Variants in MYH3 observed in about 807,000 individuals in gnomAD.
MYH3 encodes myosin-3.
A neutral mutation model predicts 238.0 loss-of-function variants in MYH3; 130 were observed. The observed-to-expected ratio is 0.55, with a 90% confidence interval of 0.47 to 0.63. The LOEUF is 0.63. MYH3 is among the 30% of genes least tolerant of loss of function. MYH3 has a pLI of 0.00. For synonymous variants in MYH3, 880 were observed against 924.1 expected (o/e 0.95, Z 0.86); for missense variants, 1,853 against 2,374.9 (o/e 0.78, Z 4.57).
rs2074144355 is a variant in MYH3, at chr17:10,630,440, C to T, written c.5305G>A (p.Glu1769Lys). ...AITDAAMMAE[E>K]LKKEQDTSAH... is the part of the protein sequence containing the mutation. ...CTGGTGTCCTGCTCCTTCTTCAGCTCCTCCGCCATCATGGCAGCCTGAAAA... is the reference window on the plus strand; with the variant it reads ...CTGGTGTCCTGCTCCTTCTTCAGCTTCTCCGCCATCATGGCAGCCTGAAAA... Residue 1769 changes from glutamate to lysine, a missense_variant, in exon 37 of 41, where the codon GAG (glutamate) becomes AAG (lysine). Physicochemically the swap from Glu to Lys is moderately conservative, Grantham distance 56. Transcript: ENST00000583535. The T allele has an allele frequency of 1.2e-6, 2 of 1,614,226 alleles. No individual in the cohort carries two copies. The highest frequency in any genetic ancestry group is 2.2e-5 in the East Asian group (1 of 44,882).
chr17:10,658,278 T>C (rs1260203715), upstream of MYH3, among the ~76,000 whole-genome samples: 1 of 152,154 alleles, frequency 6.6e-6, no homozygotes. Context: ...GACAAATCTT[T>C]GGGAGGATGG....
rs759897745 is a variant in MYH3, at chr17:10,646,052, CAGG to C, written c.899-23_899-21del. 2 of 1,604,026 alleles carry C rather than the reference CAGG, an allele frequency of 1.2e-6. No homozygotes were observed. Among genetic ancestry groups the C allele is most frequent in the East Asian group, 4.5e-5 (2 of 44,772 alleles). On this transcript the variant is annotated intron_variant, in intron 10 of 40. Coordinates refer to ENST00000583535, the MANE Select transcript of MYH3 (RefSeq NM_002470.4). ...GCAGCTCTGAAATGACAAATAGTTC[CAGG>C]AGGTTATGCAGATGCAAAGAAAAAA...
In MYH3 at chr17:10,644,610, C is replaced by T. The variant is rs775429039; in HGVS notation, c.1234G>A (p.Val412Ile). The change falls in exon 13 of 41, where the codon GTT becomes ATT. Residue 412 changes from valine (V) to isoleucine (I), a missense_variant. Val to Ile is a conservative substitution (Grantham distance 29). Coordinates refer to ENST00000583535, the MANE Select transcript of MYH3 (RefSeq NM_002470.4). Reference sequence around the variant, plus strand: ...TGATCCACAGTTTGACCTTTGGTAACGTACTCATTCCCAACTTTCACTCTA... The same window carrying T: ...TGATCCACAGTTTGACCTTTGGTAATGTACTCATTCCCAACTTTCACTCTA... Reference protein sequence around the residue: ...FPRVKVGNEYVTKGQTVDQVH... With the variant: ...FPRVKVGNEYITKGQTVDQVH... 20 of 1,614,006 alleles carry T rather than the reference C, an allele frequency of 1.2e-5. No individual in the cohort carries two copies. Among genetic ancestry groups the T allele is most frequent in the Admixed American group, 1.7e-5 (1 of 60,002 alleles).
At chr17:10,650,619 CAT>C (rs1380446234) in intron 5 of MYH3, among the ~76,000 whole-genome samples, 12 of 152,072 alleles carry the variant, frequency 7.9e-5, no homozygotes, top group African/African-American at 2.9e-4. Flanking sequence ...TAGGGTACAA[CAT>C]GATGATTTGA....
chr17:10,673,677 C>T, the MYH3 span: 5 of 152,178 alleles, frequency 3.3e-5, no homozygotes, highest in Admixed American at 3.3e-4. Context: ...TCAAATGATC[C>T]TCAATCAGGT....
chr17:10,655,533 C>T (rs2074419871), intron 2 of MYH3, among the ~76,000 whole-genome samples: 1 of 152,366 alleles, frequency 6.6e-6, no homozygotes, highest in South Asian at 2.1e-4. Flanking sequence ...AAGGTGGCTA[C>T]ACGCTCGTAT....
chr17:10,639,812 A>G lies in MYH3; in HGVS notation c.2683-10T>C, dbSNP rs779160806. On this transcript the variant is annotated splice_polypyrimidine_tract_variant and intron_variant, in intron 22 of 40. Transcript: ENST00000583535. ...ACAAATTTTCGCTTTCCTTAAAAAA[A>G]AAAGAATAATAACTTCGTTGAATGA... 3.1e-6 allele frequency: 5 copies of G among 1,614,012 alleles called. No individual in the cohort carries two copies. Among genetic ancestry groups the G allele is most frequent in the Non-Finnish European group, 2.5e-6 (3 of 1,179,952 alleles).
At chr17:10,651,741 A>ATTGT in intron 4 of MYH3, 73 bp from the exon 5 acceptor site, 1 of 1,437,428 alleles carries the variant, frequency 7.0e-7, no homozygotes, top group South Asian at 1.3e-5. Context: ...CTTTATTATT[A>ATTGT]TTATTGTTTT....
At chr17:10,639,967 A>G (rs759077423) in intron 22 of MYH3, 29 bp downstream of exon 22, 4 of 441,898 alleles carry the variant, frequency 9.1e-6, no homozygotes, top group Admixed American at 4.8e-5. Flanking sequence ...GAAGAGTTAA[A>G]AAAAAAAAAA....
chr17:10,668,640 GT>G, the MYH3 span, among the ~76,000 whole-genome samples: 1 of 152,212 alleles, frequency 6.6e-6, no homozygotes, highest in African/African-American at 2.4e-5. Context: ...ATTTTCTTAG[GT>G]GTGTAAATAG....
Position 10,652,475 on chromosome 17 carries a change from T to C in MYH3, c.293A>G (p.Asn98Ser), listed in dbSNP as rs1597493425. 6 of 1,614,012 alleles carry C rather than the reference T, an allele frequency of 3.7e-6. No individual in the cohort carries two copies. The East Asian group carries it at 1.3e-4, about 36-fold the overall frequency. ...CAGGTTGTACAGCACGGCTGGCTCA[T>C]TCAGGTGCGTCAGCATGGCCATGTC... ...IEDMAMLTHL[N>S]EPAVLYNLKD... The change falls in exon 4 of 41, where the codon AAT (asparagine) becomes AGT (serine). Residue 98 changes from asparagine (N) to serine (S), a missense_variant. Around this residue, in one of 3 missense-constraint regions of MYH3, gnomAD observed 678 missense variants for 1,058.9 expected, o/e 0.64. Coordinates refer to ENST00000583535, the MANE Select transcript of MYH3 (RefSeq NM_002470.4).
Position 10,638,286 on chromosome 17 carries a change from T to C in MYH3, c.3486A>G (p.Ile1162Met). 1.2e-6 allele frequency: 2 copies of C among 1,613,714 alleles called. No homozygotes were observed. Among genetic ancestry groups the C allele is most frequent in the Non-Finnish European group, 1.7e-6 (2 of 1,179,990 alleles). ...CCGCCTCCCGCTTCTTGTTGAGCTC[T>C]ATCTGCGTGGAGGTGACGCCTCCCG... ...EEAGGVTSTQ[I>M]ELNKKREAEF... is the part of the protein sequence containing the mutation. The change falls in exon 27 of 41, where the codon ATA becomes ATG. Residue 1162 changes from isoleucine to methionine, a missense_variant. By Grantham distance (10) the Ile-to-Met change is conservative. Coordinates refer to ENST00000583535, the MANE Select transcript of MYH3 (RefSeq NM_002470.4).
At chr17:10,665,488 T>C in the MYH3 span, among the ~76,000 whole-genome samples, 3 of 152,138 alleles carry the variant, frequency 2.0e-5, no homozygotes, top group African/African-American at 7.2e-5. Flanking sequence ...AGCAGCGATT[T>C]CAAACCTGGC....
At position 10,638,352 on chromosome 17, in the gene MYH3, A is replaced by T; in HGVS notation, c.3420T>A (p.Tyr1140Ter). 1.2e-6 allele frequency: 2 copies of T among 1,609,432 alleles called. No individual in the cohort carries two copies. Among genetic ancestry groups the T allele is most frequent in the Non-Finnish European group, 1.7e-6 (2 of 1,179,926 alleles). ...CGCTCAGCTCCTCCAGCTCCCGGGC[A>T]TAGTCGCTGCGCTGTTTCTCTGTCT... The part of the protein sequence containing the change: ...RAKTEKQRSD[Y>*]ARELEELSER... Residue 1140 changes from tyrosine to a stop codon, truncating the protein, a stop_gained, in exon 27 of 41, where the codon TAT becomes TAA. Transcript: ENST00000583535. LOFTEE classifies it high-confidence loss of function.
chr17:10,667,223 C>T, the MYH3 span, among the ~76,000 whole-genome samples: 3 of 152,088 alleles, frequency 2.0e-5, no homozygotes, highest in South Asian at 2.1e-4. Flanking sequence ...TAGGAACCTA[C>T]GGTAAGAGAT....
upstream of MYH3, among the ~76,000 whole-genome samples, chr17:10,659,747 C>G (rs1319142981): frequency 3.9e-5 from 6 of 152,232 alleles, no homozygotes. Context: ...GCTGAACCAT[C>G]TCTTTGGCTG....
At chr17:10,662,628 T>C in the MYH3 span, among the ~76,000 whole-genome samples, 3 of 152,226 alleles carry the variant, frequency 2.0e-5, no homozygotes, top group South Asian at 6.2e-4. Context: ...GCAGTTCGCA[T>C]GTAAATTTTT....
chr17:10,646,127 C>T, intron 10 of MYH3, 95 bp from the exon 11 acceptor site: 4 of 940,104 alleles, frequency 4.3e-6, no homozygotes, highest in Non-Finnish European at 6.8e-6. Context: ...GGAACTTTTA[C>T]CGCTGGATCC....
At chr17:10,661,289 TAAAAAAAAAAAAAAAAA>T (rs34393718), upstream of MYH3, among the ~76,000 whole-genome samples, 1 of 49,668 alleles carries the variant, frequency 2.0e-5, no homozygotes, top group African/African-American at 8.2e-5. Flanking sequence ...AGACTCCATC[TAAAAAAAAAAAAAAAAA>T]AAAAAAAAAA....
Sources: allele counts gnomAD v4.1 joint callset (sites outside exome capture counted in the v4.1 genomes callset), GRCh38; gene constraint gnomAD v4.1.1; regional missense constraint gnomAD v4.1.1; transcripts MANE v1.5; gene names NCBI Gene and HGNC (gene_info 2026-07-23, HGNC 2026-07-21).